SPTB: variants seen among roughly 807,000 people sequenced by gnomAD.
The protein encoded by SPTB is spectrin beta chain, erythrocytic.
In SPTB, 45 loss-of-function variants were observed where a neutral mutation model predicts 256.2. That is an observed-to-expected ratio of 0.18 (90% confidence interval 0.14 to 0.23). The LOEUF (loss-of-function observed/expected upper bound fraction) is 0.23. SPTB is among the 10% of genes least tolerant of loss of function. The pLI, the probability that SPTB is intolerant of heterozygous loss-of-function variation, is 1.00. For synonymous variants in SPTB, 1,231 were observed against 1,243.1 expected, an observed-to-expected ratio of 0.99 and a Z score of 0.21; for missense variants, 2,715 against 3,040.4, an observed-to-expected ratio of 0.89 and a Z score of 2.52.
rs576154632 is a variant in SPTB, at chr14:64,833,880, G to A, written c.-51-10735C>T. ...TAAGAGGATAAAAGCAGTTCCCACC[G>A]AGGACACACCATGTGGAGGCCCATT... On this transcript the variant is annotated intron_variant, in intron 1 of 35. Transcript: ENST00000644917. 9.2e-5 allele frequency among the ~76,000 whole-genome samples: 14 copies of A among 152,248 alleles called. No homozygotes were observed. The East Asian group carries it at 1.5e-3, about 17-fold the overall frequency.
chr14:64,759,228 G>C lies in SPTB; in HGVS notation c.6346-5435C>G, dbSNP rs540834207. Among the ~76,000 whole-genome samples, 77 of 152,220 alleles carry C rather than the reference G, an allele frequency of 5.1e-4. No individual in the cohort carries two copies. The highest frequency in any genetic ancestry group is 1.1e-3 in the African/African-American group (47 of 41,514). On this transcript the variant is annotated intron_variant, in intron 32 of 35. Coordinates refer to ENST00000644917, the MANE Select transcript of SPTB (RefSeq NM_001355436.2). This position sits in a 1 kb window ranked among gnomAD's most constrained non-coding sequence, Gnocchi z 4.8. ...GGAAAGGGCACCACAGGTGGTGTGG[G>C]AAGGCAGGGAGCCAAGTAGCTAGGC... is the stretch of plus-strand genomic sequence containing the variant.
chr14:64,819,113 C>T (rs976300972), intron 2 of SPTB, among the ~76,000 whole-genome samples: 2 of 152,340 alleles, frequency 1.3e-5, no homozygotes, highest in African/African-American at 4.8e-5. Context: ...CACCCCCTTA[C>T]AGGAGCCTTC....
Position 64,841,746 on chromosome 14 carries a change from T to TATATAC in SPTB, c.-51-18602_-51-18601insGTATAT, listed in dbSNP as rs994118200. Among the ~76,000 whole-genome samples, 3 of 151,860 alleles carry TATATAC rather than the reference T, an allele frequency of 2.0e-5. No homozygotes were observed. The highest frequency in any genetic ancestry group is 7.3e-5 in the African/African-American group (3 of 41,336). On this transcript the variant is annotated intron_variant, in intron 1 of 35. Coordinates refer to ENST00000644917, the MANE Select transcript of SPTB (RefSeq NM_001355436.2). The surrounding 1 kb of genome is among the most constrained non-coding windows in gnomAD (Gnocchi z 4.6). ...CAGCTGCCCTCTGACATCCCATATA[T>TATATAC]ATATATATATTTTTTAAGGGTCTTT...
intron 1 of SPTB, among the ~76,000 whole-genome samples, chr14:64,858,506 C>A (rs1422719308): frequency 6.6e-6 from 1 of 151,982 alleles, no homozygotes; most frequent in Non-Finnish European, 1.5e-5. Context: ...GCGAGCAGAG[C>A]CTGGACAACC....
intron 13 of SPTB, among the ~76,000 whole-genome samples, chr14:64,794,101 G>T (rs931895951): frequency 2.0e-5 from 3 of 152,070 alleles, no homozygotes; most frequent in African/African-American, 7.2e-5. Flanking sequence ...GTTCTTAATA[G>T]AAATGTACAA....
At chr14:64,834,959 C>G (rs1315493964) in intron 1 of SPTB, among the ~76,000 whole-genome samples, 1 of 152,166 alleles carries the variant, frequency 6.6e-6, no homozygotes, top group East Asian at 1.9e-4. Flanking sequence ...ACAAAAAGAG[C>G]TATTTTAAAA....
At position 64,772,468 on chromosome 14, in the gene SPTB, C is replaced by CA. The variant is rs1218191895; in HGVS notation, c.5553+111dup. 2 of 1,455,418 alleles carry CA rather than the reference C, an allele frequency of 1.4e-6. No homozygotes were observed. The highest frequency in any genetic ancestry group is 1.8e-6 in the Non-Finnish European group (2 of 1,085,928). 90.2% of individuals were successfully genotyped at this position (1,455,418 alleles called of 1,614,324 possible). A position where few individuals can be genotyped will look rare whatever the true frequency, so the allele number is the denominator to read the frequency against. On this transcript the variant is annotated intron_variant, in intron 26 of 35. Coordinates refer to ENST00000644917, the MANE Select transcript of SPTB (RefSeq NM_001355436.2). This position sits in a 1 kb window ranked among gnomAD's most constrained non-coding sequence, Gnocchi z 5.4. ...CTGAGCTCCTGGCTGTCTAAGGAGG[C>CA]AAAACCTCCTGGCACTTATCCTAGA...
At chr14:64,761,916 A>T (rs1263355613) in intron 32 of SPTB, among the ~76,000 whole-genome samples, 6 of 152,112 alleles carry the variant, frequency 3.9e-5, no homozygotes, top group African/African-American at 1.2e-4. Context: ...TCCAATGTTA[A>T]CTGAGTCTCA....
intron 1 of SPTB, among the ~76,000 whole-genome samples, chr14:64,832,551 T>A (rs146549796): frequency 5.1e-4 from 77 of 152,338 alleles, no homozygotes; most frequent in Non-Finnish European, 8.8e-4. Context: ...AATTACCATC[T>A]TATGCTAATG....
At position 64,785,364 on chromosome 14, in the gene SPTB, C is replaced by A. The variant is rs1295434763; in HGVS notation, c.3855+173G>T. ...CTTTTCAGATTTGAAAAAAAAAAAA[C>A]AGTGCAACTGAAGATTCCAGAGAAT... On this transcript the variant is annotated intron_variant, in intron 18 of 35. Coordinates refer to ENST00000644917, the MANE Select transcript of SPTB (RefSeq NM_001355436.2). This position sits in a 1 kb window ranked among gnomAD's most constrained non-coding sequence, Gnocchi z 4.4. Among the ~76,000 whole-genome samples, 1 of 150,452 alleles carries A rather than the reference C, an allele frequency of 6.6e-6. No individual in the cohort carries two copies. The highest frequency in any genetic ancestry group is 1.5e-5 in the Non-Finnish European group (1 of 67,602).
At chr14:64,769,783 T>C in intron 27 of SPTB, 55 bp from the exon 28 acceptor site, 1 of 1,612,408 alleles carries the variant, frequency 6.2e-7, no homozygotes, top group Non-Finnish European at 8.5e-7. Flanking sequence ...CTGGCCTGCC[T>C]CTGTGTCCCA....
intron 1 of SPTB, among the ~76,000 whole-genome samples, chr14:64,871,064 G>A (rs892835566): frequency 2.0e-4 from 31 of 152,174 alleles, no homozygotes; most frequent in Non-Finnish European, 7.3e-5. Context: ...CTTAAAAATG[G>A]TTAAAATGGT....
rs1393251594 is a variant in SPTB at position 64,793,056 on chromosome 14, C to T, written c.2607G>A (p.Lys869=). The T allele has an allele frequency of 8.1e-6, 13 of 1,613,984 alleles. No homozygotes were observed. Among genetic ancestry groups the T allele is most frequent in the Non-Finnish European group, 1.1e-5 (13 of 1,180,058 alleles). Residue 869 remains lysine (K), a synonymous_variant, in exon 14 of 36, where the codon AAG becomes AAA. Coordinates refer to ENST00000644917, the MANE Select transcript of SPTB (RefSeq NM_001355436.2). This position sits in a 1 kb window ranked among gnomAD's most constrained non-coding sequence, Gnocchi z 7.0. ...ACELWMGEKE[K]WLAEMEMPDT... ...CTGGCATTTCCATCTCGGCCAGCCA[C>T]TTCTCCTTCTCTCCCATCCACAGCT...
At chr14:64,856,008 G>A (rs545814814) in intron 1 of SPTB, among the ~76,000 whole-genome samples, 3 of 152,252 alleles carry the variant, frequency 2.0e-5, no homozygotes, top group Non-Finnish European at 4.4e-5. Context: ...GAGGAGTGAG[G>A]CCTGGCAGAT....
Position 64,796,746 on chromosome 14 carries a change from G to A in SPTB, c.1183-31C>T, listed in dbSNP as rs765775498. 3.0e-5 allele frequency: 48 copies of A among 1,613,688 alleles called. No homozygotes were observed. In the South Asian group the frequency reaches 4.7e-4, roughly 16 times the overall value. On this transcript the variant is annotated intron_variant, in intron 10 of 35. Coordinates refer to ENST00000644917, the MANE Select transcript of SPTB (RefSeq NM_001355436.2). This position sits in a 1 kb window ranked among gnomAD's most constrained non-coding sequence, Gnocchi z 4.1. Reference sequence around the variant, plus strand: ...CAAAGGATGGAATGAGAATTCTTGGGGCACAGGAGAAATGCCTCACTTTGG... The same window carrying A: ...CAAAGGATGGAATGAGAATTCTTGGAGCACAGGAGAAATGCCTCACTTTGG...
Position 64,801,734 on chromosome 14 carries a change from G to T in SPTB, c.647+20C>A, listed in dbSNP as rs776064877. The T allele has an allele frequency of 1.7e-5, 27 of 1,610,816 alleles. No homozygotes were observed. In the East Asian group the frequency reaches 5.8e-4, roughly 35 times the overall value. ...GGAGGCTGTCTCAGTCAGTCCCCAC[G>T]GCTGTCCCCTCCCTCTTACCGGTGC... is the stretch of plus-strand genomic sequence containing the variant. On this transcript the variant is annotated intron_variant, in intron 6 of 35. Coordinates refer to ENST00000644917, the MANE Select transcript of SPTB (RefSeq NM_001355436.2).
intron 3 of SPTB, 132 bp downstream of exon 3, chr14:64,804,807 A>C (rs1414906708): frequency 4.2e-6 from 5 of 1,182,596 alleles, no homozygotes; most frequent in Non-Finnish European, 6.1e-6. Flanking sequence ...TTCCCATTCT[A>C]AGTATTAGAG....
chr14:64,752,594 T>G (rs1474420218), intron 33 of SPTB, among the ~76,000 whole-genome samples: 2 of 152,220 alleles, frequency 1.3e-5, no homozygotes. Context: ...ACAGGATTGT[T>G]GGGAAGATTT....
intron 6 of SPTB, 132 bp from the exon 7 acceptor site, chr14:64,801,532 G>A (rs2082885989): frequency 4.9e-6 from 4 of 810,994 alleles, no homozygotes; most frequent in Non-Finnish European, 8.5e-6. Context: ...GAGGAGATGG[G>A]AGCAGAGGAG....
Sources: gnomAD v4.1 joint callset for allele counts (sites outside exome capture counted in the v4.1 genomes callset) on GRCh38, gnomAD v4.1.1 for gene constraint, Gnocchi (gnomAD v3.1) non-coding constraint, MANE v1.5 for transcripts, NCBI Gene and HGNC (gene_info 2026-07-23, HGNC 2026-07-21) for gene names.